Variants in PPP4R4 observed in about 807,000 individuals in gnomAD.
The protein encoded by PPP4R4 is protein phosphatase 4 regulatory subunit 4.
A neutral mutation model predicts 121.8 loss-of-function variants in PPP4R4; 70 were observed. The observed-to-expected ratio is 0.57, with a 90% confidence interval of 0.47 to 0.70. The LOEUF is 0.70. Among genes scored for constraint, PPP4R4 ranks in the 30% least tolerant of loss-of-function variants. The pLI is 0.00. For synonymous variants in PPP4R4, 348 were observed against 355.7 expected, an observed-to-expected ratio of 0.98 and a Z score of 0.24; for missense variants, 875 against 1,033.6, an observed-to-expected ratio of 0.85 and a Z score of 2.10.
At chr14:94,221,204 C>T (rs901728263) in intron 3 of PPP4R4, among the ~76,000 whole-genome samples, 1 of 152,086 alleles carries the variant, frequency 6.6e-6, no homozygotes, top group African/African-American at 2.4e-5. Flanking sequence ...TACCTTGCTC[C>T]ATATGCAAAA....
At chr14:94,205,660 A>T (rs567358757) in intron 2 of PPP4R4, among the ~76,000 whole-genome samples, 1 of 151,654 alleles carries the variant, frequency 6.6e-6, no homozygotes, top group South Asian at 2.1e-4. Flanking sequence ...TGAATATGTT[A>T]CCTGTATCCC....
At chr14:94,275,673 T>G in intron 24 of PPP4R4, 152 bp downstream of exon 24, 1 of 874,600 alleles carries the variant, frequency 1.1e-6, no homozygotes, top group South Asian at 1.9e-5. Context: ...CATGTGACTC[T>G]GTTATGTTAG....
intron 19 of PPP4R4, among the ~76,000 whole-genome samples, chr14:94,262,808 G>A (rs1271306070): frequency 6.6e-6 from 1 of 151,788 alleles, no homozygotes; most frequent in Non-Finnish European, 1.5e-5. Flanking sequence ...AGGTCTTCTG[G>A]TGACAACTTC....
At chr14:94,275,232 G>T (rs948850627) in intron 23 of PPP4R4, 142 bp from the exon 24 acceptor site, 39 of 885,894 alleles carry the variant, frequency 4.4e-5, no homozygotes, top group Middle Eastern at 3.4e-4. Flanking sequence ...TTAACTTTTT[G>T]CAGTTTGTTG....
intron 15 of PPP4R4, among the ~76,000 whole-genome samples, 191 bp downstream of exon 15, chr14:94,250,468 G>T (rs1893121074): frequency 6.6e-6 from 1 of 151,794 alleles, no homozygotes; most frequent in Non-Finnish European, 1.5e-5. Context: ...TAATTACTCT[G>T]TTTTCTTTTG....
rs1285736763 is a variant in PPP4R4 at position 94,245,638 on chromosome 14, A to G, written c.1396A>G (p.Thr466Ala). ...TCCAGAAATCTTGGAACTTATGTCT[A>G]CTGGTGGAGAAAGCAGTGTTCAAGA... ...HLPEILELMSTGGESSVQENK... is the reference protein window; with the variant it reads ...HLPEILELMSAGGESSVQENK... The change falls in exon 13 of 25, where the codon ACT becomes GCT. Residue 466 changes from threonine (T) to alanine (A), a missense_variant. Thr to Ala is a moderately conservative substitution (Grantham distance 58, BLOSUM62 0). Transcript: ENST00000304338. The G allele has an allele frequency of 1.2e-6, 2 of 1,600,512 alleles. No individual in the cohort carries two copies. Among genetic ancestry groups the G allele is most frequent in the Admixed American group, 1.7e-5 (1 of 59,522 alleles).
At chr14:94,234,040 T>C (rs1231890524) in intron 6 of PPP4R4, among the ~76,000 whole-genome samples, 2 of 152,198 alleles carry the variant, frequency 1.3e-5, no homozygotes, top group African/African-American at 4.8e-5. Context: ...AATAGCGTTA[T>C]CTTATTGACT....
chr14:94,258,303 G>A (rs2139621061), intron 17 of PPP4R4, among the ~76,000 whole-genome samples: 1 of 152,264 alleles, frequency 6.6e-6, no homozygotes, highest in South Asian at 2.1e-4. Flanking sequence ...TTTCAAACTA[G>A]TGTATTCCAA....
At chr14:94,188,475 G>A (rs142855424) in intron 2 of PPP4R4, among the ~76,000 whole-genome samples, 36 of 152,150 alleles carry the variant, frequency 2.4e-4, no homozygotes, top group African/African-American at 8.4e-4. Flanking sequence ...ACACTGCTTA[G>A]TTTCTTCATT....
intron 4 of PPP4R4, 96 bp downstream of exon 4, chr14:94,230,830 C>T: frequency 7.4e-7 from 1 of 1,344,846 alleles, no homozygotes; most frequent in Non-Finnish European, 1.0e-6. Context: ...ATGAGGATAA[C>T]TGAGTAAGGC....
intron 3 of PPP4R4, among the ~76,000 whole-genome samples, chr14:94,211,515 T>C (rs1890736817): frequency 6.6e-6 from 1 of 151,980 alleles, no homozygotes; most frequent in African/African-American, 2.4e-5. Flanking sequence ...GAGACAGGTG[T>C]GTTTTGGACC....
intron 2 of PPP4R4, among the ~76,000 whole-genome samples, chr14:94,201,712 A>G (rs1890190661): frequency 6.6e-6 from 1 of 151,936 alleles, no homozygotes; most frequent in Admixed American, 6.6e-5. Flanking sequence ...GTGAGTCCTT[A>G]TGTGTGTTTG....
intron 2 of PPP4R4, among the ~76,000 whole-genome samples, chr14:94,204,253 G>A (rs1301603030): frequency 6.6e-6 from 1 of 151,900 alleles, no homozygotes; most frequent in Non-Finnish European, 1.5e-5. Context: ...TTAGTGTGAG[G>A]CATAGGTCAT....
intron 10 of PPP4R4, 145 bp from the exon 11 acceptor site, chr14:94,242,144 A>G (rs1012755830): frequency 5.0e-6 from 6 of 1,188,992 alleles, no homozygotes; most frequent in African/African-American, 1.5e-5. Context: ...TAATAGACAC[A>G]TATTTGGATC....
chr14:94,255,671 AATGTACCATC>A (rs950926239), intron 16 of PPP4R4, among the ~76,000 whole-genome samples: 8 of 151,682 alleles, frequency 5.3e-5, no homozygotes, highest in African/African-American at 1.9e-4. Flanking sequence ...ACTCTGGTTC[AATGTACCATC>A]ATCTCTTGCC....
At chr14:94,228,857 A>G (rs1891863084) in intron 3 of PPP4R4, among the ~76,000 whole-genome samples, 2 of 152,182 alleles carry the variant, frequency 1.3e-5, no homozygotes, top group Non-Finnish European at 2.9e-5. Context: ...GGATGATGGT[A>G]ATGAATAAAC....
Position 94,179,137 on chromosome 14 carries a change from C to T in PPP4R4, c.191+3010C>T, listed in dbSNP as rs572411029. Reference sequence around the variant, plus strand: ...ACAGTTAAGTGAGTTTTAGTATATTCACAGAATTGTGCAACCATCACTGCA... The same window carrying T: ...ACAGTTAAGTGAGTTTTAGTATATTTACAGAATTGTGCAACCATCACTGCA... On this transcript the variant is annotated intron_variant, in intron 2 of 24. Coordinates refer to ENST00000304338, the MANE Select transcript of PPP4R4 (RefSeq NM_058237.2). Among the ~76,000 whole-genome samples, 111 of 152,250 alleles carry T rather than the reference C, an allele frequency of 7.3e-4. 3 individuals are homozygous for T. Among genetic ancestry groups the T allele is most frequent in the Admixed American group, 7.3e-3 (111 of 15,280 alleles).
Position 94,251,815 on chromosome 14 carries a change from A to G in PPP4R4, c.1784A>G (p.Glu595Gly). The part of the protein sequence containing the change: ...RFLDTCEFII[E>G]IFSKSFFCKY... Reference sequence around the variant, plus strand: ...TTGGATACCTGTGAATTTATTATAGAGATATTTTCAAAATCATTTTTCTGT... The same window carrying G: ...TTGGATACCTGTGAATTTATTATAGGGATATTTTCAAAATCATTTTTCTGT... Residue 595 changes from glutamate (E) to glycine (G), a missense_variant, in exon 16 of 25, where the codon GAG becomes GGG. Coordinates refer to ENST00000304338, the MANE Select transcript of PPP4R4 (RefSeq NM_058237.2). 3.1e-6 allele frequency: 5 copies of G among 1,598,200 alleles called. No homozygotes were observed. The South Asian group carries it at 3.4e-5, about 11-fold the overall frequency.
rs563678883 is a variant in PPP4R4 at position 94,278,839 on chromosome 14, G to T, written c.*196G>T. ...TATTTCAAATTAGATTCCCTAGGAG[G>T]TATAATATATATTTCTTGAGTAATA... is the stretch of plus-strand genomic sequence containing the variant. On this transcript the variant is annotated 3_prime_UTR_variant, in exon 25 of 25. Transcript: ENST00000304338. The T allele has an allele frequency of 7.3e-5, 27 of 371,890 alleles. No homozygotes were observed. The highest frequency in any genetic ancestry group is 9.9e-5 in the Non-Finnish European group (21 of 212,088). The allele number at this position is 371,890 out of a possible 1,614,324, so 23.0% of individuals were successfully genotyped here. A position where few individuals can be genotyped will look rare whatever the true frequency, so the allele number is the denominator to read the frequency against.
Sources: allele counts gnomAD v4.1 joint callset (sites outside exome capture counted in the v4.1 genomes callset), GRCh38; gene constraint gnomAD v4.1.1; transcripts MANE v1.5; gene names NCBI Gene and HGNC (gene_info 2026-07-23, HGNC 2026-07-21).